Variants in SMARCA2 observed in about 807,000 individuals in gnomAD.
SMARCA2 encodes the protein SWI/SNF-related matrix-associated actin-dependent regulator of chromatin subfamily A member 2.
SMARCA2 carries 61 observed loss-of-function variants against 199.8 expected under a neutral mutation model. The ratio of observed to expected loss-of-function variants is 0.31; its 90% CI spans 0.25 to 0.38. The LOEUF is 0.38. Among genes scored for constraint, SMARCA2 ranks in the 10% least tolerant of loss-of-function variants. The pLI, the probability that SMARCA2 is intolerant of heterozygous loss-of-function variation, is 1.00. For synonymous variants in SMARCA2, 935 were observed against 732.0 expected (o/e 1.28, Z -4.48); for missense variants, 1,344 against 2,012.2 (o/e 0.67, Z 6.35).
chr9:2,057,899 C>T (rs1820426289), intron 7 of SMARCA2, among the ~76,000 whole-genome samples: 1 of 152,134 alleles, frequency 6.6e-6, no homozygotes. Context: ...AAAAACATTA[C>T]TTTTGTGACA....
At position 2,058,296 on chromosome 9, in the gene SMARCA2, C is replaced by T. The variant is rs948121970; in HGVS notation, c.1353C>T (p.Tyr451=). The change falls in exon 8 of 34, where the codon TAC becomes TAT. Residue 451 remains tyrosine, a synonymous_variant. Coordinates refer to ENST00000349721, the MANE Select transcript of SMARCA2 (RefSeq NM_003070.5). ...TCCCTTTTTGGATCTTCTAGGAATA[C>T]CTGAACAGTATTTTGCAACATGCAA... ...ERKRRQKHQE[Y]LNSILQHAKD... 12 of 1,613,760 alleles carry T rather than the reference C, an allele frequency of 7.4e-6. No homozygotes were observed. Among genetic ancestry groups the T allele is most frequent in the African/African-American group, 1.3e-5 (1 of 75,024 alleles).
At chr9:2,077,405 G>A (rs544973333) in intron 13 of SMARCA2, among the ~76,000 whole-genome samples, 2 of 152,134 alleles carry the variant, frequency 1.3e-5, no homozygotes, top group African/African-American at 4.8e-5. Context: ...CTAAGCCTCG[G>A]GTTCTCCACC....
At chr9:2,051,429 A>C (rs1297684824) in intron 5 of SMARCA2, among the ~76,000 whole-genome samples, 1 of 152,152 alleles carries the variant, frequency 6.6e-6, no homozygotes, top group Non-Finnish European at 1.5e-5. Flanking sequence ...CCTAAGTCAC[A>C]CAGTGCCCCA....
rs1018966927 is a variant in SMARCA2 at position 2,123,236 on chromosome 9, TC to T, written c.3763-478del. On this transcript the variant is annotated intron_variant, in intron 26 of 33. Transcript: ENST00000349721. This position sits in a 1 kb window ranked among gnomAD's most constrained non-coding sequence, Gnocchi z 4.1. ...AGCTATTCTGTACTGATACCTTGGGTCCCCCTTTTTTTTTTATTGCTGATTG... is the reference window on the plus strand; with the variant it reads ...AGCTATTCTGTACTGATACCTTGGGTCCCCTTTTTTTTTTATTGCTGATTG... Among the ~76,000 whole-genome samples, 3 of 151,202 alleles carry T rather than the reference TC, an allele frequency of 2.0e-5. No individual in the cohort carries two copies. The highest frequency in any genetic ancestry group is 7.3e-5 in the African/African-American group (3 of 41,066).
At chr9:2,084,234 C>T (rs1821697172) in intron 17 of SMARCA2, 38 bp downstream of exon 17, 1 of 1,062,572 alleles carries the variant, frequency 9.4e-7, no homozygotes, top group African/African-American at 1.6e-5. Context: ...CTAATTAGGA[C>T]CATTGCACTG....
In SMARCA2 at chr9:2,147,644, G is replaced by A. The variant is rs553617252; in HGVS notation, c.3982-14042G>A. Among the ~76,000 whole-genome samples the A allele has an allele frequency of 3.4e-4, 52 of 152,158 alleles. 1 individual carries two copies. The highest frequency in any genetic ancestry group is 6.6e-4 in the Non-Finnish European group (45 of 67,998). On this transcript the variant is annotated intron_variant, in intron 27 of 33. Coordinates refer to ENST00000349721, the MANE Select transcript of SMARCA2 (RefSeq NM_003070.5). The stretch of plus-strand genomic sequence containing the variant: ...GAGTATCAGCTGAGGTCAGGAGTTC[G>A]AGACCAGCCTGGCCAACACGGCAAA...
Position 2,086,631 on chromosome 9 carries a change from A to C in SMARCA2, c.2527-198A>C, listed in dbSNP as rs1475230631. ...GGTCTGTAAGGAACATTGTTCCTTT[A>C]ACATTCTATTATTATAGGATGTCTT... On this transcript the variant is annotated intron_variant, in intron 17 of 33. Transcript: ENST00000349721. The surrounding 1 kb of genome is among the most constrained non-coding windows in gnomAD (Gnocchi z 4.3). Among the ~76,000 whole-genome samples the C allele has an allele frequency of 6.6e-6, 1 of 152,208 alleles. No homozygotes were observed. The highest frequency in any genetic ancestry group is 2.4e-5 in the African/African-American group (1 of 41,454).
At chr9:2,073,917 G>A (rs1327784864) in intron 12 of SMARCA2, among the ~76,000 whole-genome samples, 1 of 152,140 alleles carries the variant, frequency 6.6e-6, no homozygotes, top group Non-Finnish European at 1.5e-5. Flanking sequence ...TGGTCTTTTG[G>A]GGGAGAATTG....
At chr9:2,038,666 C>G (rs374156971) in intron 3 of SMARCA2, among the ~76,000 whole-genome samples, 2 of 151,972 alleles carry the variant, frequency 1.3e-5, no homozygotes, top group African/African-American at 2.4e-5. Context: ...TTGAAAATAC[C>G]CCCCCTTTAC....
At chr9:2,030,041 A>C (rs189915041) in intron 2 of SMARCA2, among the ~76,000 whole-genome samples, 1 of 152,236 alleles carries the variant, frequency 6.6e-6, no homozygotes, top group Admixed American at 6.5e-5. Context: ...AGGACATTAC[A>C]TACTACCTGA....
Position 2,115,788 on chromosome 9 carries a change from C to T in SMARCA2, c.3457-34C>T, listed in dbSNP as rs1212530092. On this transcript the variant is annotated intron_variant, in intron 24 of 33. Transcript: ENST00000349721. The surrounding 1 kb of genome is among the most constrained non-coding windows in gnomAD (Gnocchi z 6.0). ...GGTTTTGGATGCCTATGCCAGGCAT[C>T]TCAGTCCTCATAGCATATTGACCCC... is the stretch of plus-strand genomic sequence containing the variant. The T allele has an allele frequency of 6.3e-7, 1 of 1,579,500 alleles. No homozygotes were observed. The highest frequency in any genetic ancestry group is 1.7e-5 in the Admixed American group (1 of 59,318).
Position 2,056,597 on chromosome 9 carries a change from C to A in SMARCA2, c.1174-75C>A, listed in dbSNP as rs752199960. The A allele has an allele frequency of 3.7e-6, 5 of 1,365,832 alleles. No homozygotes were observed. The highest frequency in any genetic ancestry group is 5.0e-6 in the Non-Finnish European group (5 of 1,005,466). The allele number at this position is 1,365,832 out of a possible 1,614,324, so 84.6% of individuals were successfully genotyped here. ...CCGCCCCACTCTATTCCATTAAATG[C>A]AACCGCGAGAAGGCCAGAGTTCAGG... On this transcript the variant is annotated intron_variant, in intron 6 of 33. Coordinates refer to ENST00000349721, the MANE Select transcript of SMARCA2 (RefSeq NM_003070.5). The surrounding 1 kb of genome is among the most constrained non-coding windows in gnomAD (Gnocchi z 4.0).
chr9:2,116,131 A>T, intron 25 of SMARCA2, 82 bp downstream of exon 25: 1 of 1,038,438 alleles, frequency 9.6e-7, no homozygotes, highest in South Asian at 1.4e-5. Context: ...CTTTGTTTAA[A>T]AAACTTCCTG....
intron 2 of SMARCA2, among the ~76,000 whole-genome samples, chr9:2,031,901 G>T (rs916933547): frequency 6.6e-6 from 1 of 152,024 alleles, no homozygotes; most frequent in African/African-American, 2.4e-5. Flanking sequence ...CAACATTACT[G>T]GAAATAAATA....
intron 4 of SMARCA2, chr9:2,043,268 G>A (rs1489670613): frequency 6.6e-6 from 1 of 152,160 alleles, no homozygotes; most frequent in Non-Finnish European, 1.5e-5. Context: ...CACCAAAAGT[G>A]ACATCATCCC....
intron 25 of SMARCA2, among the ~76,000 whole-genome samples, chr9:2,117,272 G>C (rs577965609): frequency 1.3e-5 from 2 of 152,124 alleles, no homozygotes; most frequent in Admixed American, 1.3e-4. Context: ...TTTGCAAATT[G>C]AAGAGCACTT....
intron 31 of SMARCA2, among the ~76,000 whole-genome samples, chr9:2,185,764 C>G (rs189884581): frequency 6.6e-6 from 1 of 152,314 alleles, no homozygotes; most frequent in East Asian, 1.9e-4. Flanking sequence ...CACAGTCTTA[C>G]TACAGCATTT....
At chr9:2,151,612 T>TA (rs1421914865) in intron 27 of SMARCA2, among the ~76,000 whole-genome samples, 12 of 152,082 alleles carry the variant, frequency 7.9e-5, no homozygotes, top group Non-Finnish European at 1.2e-4. Context: ...TGCCTGCCTG[T>TA]AATCCCAGCT....
intron 27 of SMARCA2, among the ~76,000 whole-genome samples, chr9:2,148,723 G>C (rs931686558): frequency 2.0e-5 from 3 of 151,290 alleles, no homozygotes; most frequent in African/African-American, 7.3e-5. Flanking sequence ...TGCCTAGGCT[G>C]GTCTCTAACT....
Sources: gnomAD v4.1 joint callset for allele counts (sites outside exome capture counted in the v4.1 genomes callset) on GRCh38, gnomAD v4.1.1 for gene constraint, Gnocchi (gnomAD v3.1) non-coding constraint, MANE v1.5 for transcripts, NCBI Gene and HGNC (gene_info 2026-07-23, HGNC 2026-07-21) for gene names.